AMD1: variants seen among roughly 807,000 people sequenced by gnomAD.
AMD1 encodes S-adenosylmethionine decarboxylase proenzyme.
Under a neutral mutation model 40.2 loss-of-function variants are expected in AMD1, and 11 were observed. The ratio of observed to expected loss-of-function variants is 0.27; its 90% CI spans 0.17 to 0.45. The LOEUF is 0.45. Ranked by LOEUF, AMD1 falls within the 20% of genes least tolerant of loss-of-function variation. AMD1 has a pLI of 1.00. For missense variants in AMD1, 257 were observed against 410.2 expected (o/e 0.63, Z 3.23); for synonymous variants, 121 against 130.8 (o/e 0.93, Z 0.51).
At position 110,887,491 on chromosome 6, in the gene AMD1, T is replaced by G; in HGVS notation, c.111-14T>G. The stretch of plus-strand genomic sequence containing the variant: ...CTATTGTGGATTAATCGTAACTTTT[T>G]TGTTAAATGATAGATCTGAGTGGGA... On this transcript the variant is annotated splice_polypyrimidine_tract_variant and intron_variant, in intron 1 of 8. Coordinates refer to ENST00000368885, the MANE Select transcript of AMD1 (RefSeq NM_001634.6). 6.3e-7 allele frequency: 1 copy of G among 1,588,044 alleles called. No homozygotes were observed. The highest frequency in any genetic ancestry group is 8.6e-7 in the Non-Finnish European group (1 of 1,168,428).
At position 110,892,484 on chromosome 6, in the gene AMD1, G is replaced by A. The variant is rs376918789; in HGVS notation, c.615+41G>A. 375 of 1,602,436 alleles carry A rather than the reference G, an allele frequency of 2.3e-4. 1 individual carries two copies. The highest frequency in any genetic ancestry group is 2.4e-4 in the Non-Finnish European group (277 of 1,174,644). On this transcript the variant is annotated intron_variant, in intron 6 of 8. Coordinates refer to ENST00000368885, the MANE Select transcript of AMD1 (RefSeq NM_001634.6). ...AATAATTGTTGCTGGACTCTTCTGC[G>A]TGGGGACTAAATTTTATTTTTCATT...
At chr6:110,835,780 G>A in the AMD1 span, among the ~76,000 whole-genome samples, 45 of 151,820 alleles carry the variant, frequency 3.0e-4, no homozygotes, top group South Asian at 4.2e-4. Flanking sequence ...CAGGAGAATC[G>A]CTTGAACCCA....
chr6:110,831,309 G>T, the AMD1 span, among the ~76,000 whole-genome samples: 1 of 151,706 alleles, frequency 6.6e-6, no homozygotes, highest in East Asian at 1.9e-4. Flanking sequence ...CGTGGTGGCA[G>T]GCACCTGTAA....
the AMD1 span, among the ~76,000 whole-genome samples, chr6:110,833,802 T>C: frequency 6.6e-6 from 1 of 151,798 alleles, no homozygotes; most frequent in African/African-American, 2.4e-5. Context: ...TTGTTTGAGC[T>C]CAGGAGTTCG....
chr6:110,860,069 C>T, the AMD1 span, among the ~76,000 whole-genome samples: 50 of 152,202 alleles, frequency 3.3e-4, no homozygotes, highest in Admixed American at 1.1e-3. Context: ...TCAGGTGATC[C>T]GCCCACCTTG....
chr6:110,881,526 G>A (rs912121918), intron 1 of AMD1, among the ~76,000 whole-genome samples: 14 of 151,918 alleles, frequency 9.2e-5, no homozygotes, highest in African/African-American at 2.4e-4. Flanking sequence ...TGTGTGCTTC[G>A]GGCCAGGCAT....
At chr6:110,882,944 C>G (rs945432241) in intron 1 of AMD1, among the ~76,000 whole-genome samples, 1 of 152,084 alleles carries the variant, frequency 6.6e-6, no homozygotes, top group Non-Finnish European at 1.5e-5. Flanking sequence ...CATAGGGAGA[C>G]CTCATCTCTA....
chr6:110,838,444 C>G, the AMD1 span, among the ~76,000 whole-genome samples: 2 of 152,066 alleles, frequency 1.3e-5, no homozygotes, highest in African/African-American at 4.8e-5. Flanking sequence ...TAGAGCTTAT[C>G]AAACTCTGGG....
chr6:110,870,368 T>C (rs145058073), upstream of AMD1, among the ~76,000 whole-genome samples: 1 of 152,170 alleles, frequency 6.6e-6, no homozygotes, highest in Non-Finnish European at 1.5e-5. Flanking sequence ...CTCACACTTG[T>C]AATGCCAGCA....
At chr6:110,836,029 A>T in the AMD1 span, among the ~76,000 whole-genome samples, 1 of 151,638 alleles carries the variant, frequency 6.6e-6, no homozygotes, top group Non-Finnish European at 1.5e-5. Context: ...AAAAAAAAAA[A>T]AAAAAAAATC....
At chr6:110,855,052 G>A in the AMD1 span, among the ~76,000 whole-genome samples, 1 of 135,548 alleles carries the variant, frequency 7.4e-6, no homozygotes, top group East Asian at 2.5e-4. Context: ...ATGGCTTAAA[G>A]TTCTCTCTCT....
chr6:110,831,902 G>A, the AMD1 span, among the ~76,000 whole-genome samples: 2 of 151,872 alleles, frequency 1.3e-5, no homozygotes, highest in Non-Finnish European at 2.9e-5. Context: ...GAAGTGCAAT[G>A]GCATTATCAC....
the AMD1 span, among the ~76,000 whole-genome samples, chr6:110,835,887 A>C: frequency 2.7e-5 from 4 of 150,738 alleles, no homozygotes; most frequent in Non-Finnish European, 5.9e-5. Context: ...CCCCAAAAAA[A>C]ATCAGTCCCA....
At chr6:110,851,922 T>C in the AMD1 span, among the ~76,000 whole-genome samples, 2 of 152,066 alleles carry the variant, frequency 1.3e-5, no homozygotes, top group African/African-American at 4.8e-5. Context: ...ATGCAAAAAA[T>C]AAGTAACAAG....
chr6:110,828,442 A>C, the AMD1 span, among the ~76,000 whole-genome samples: 1 of 152,046 alleles, frequency 6.6e-6, no homozygotes, highest in Non-Finnish European at 1.5e-5. Flanking sequence ...TCAAAAAAAA[A>C]AGAAAGAAAG....
the AMD1 span, chr6:110,863,810 A>G: frequency 6.0e-6 from 2 of 333,144 alleles, no homozygotes; most frequent in South Asian, 2.9e-5. Context: ...CATGAAACAA[A>G]TGGCATCACC....
chr6:110,832,684 A>C, the AMD1 span, among the ~76,000 whole-genome samples: 3 of 152,006 alleles, frequency 2.0e-5, no homozygotes, highest in African/African-American at 7.2e-5. Context: ...ACTTATCACC[A>C]CTCAGAATAG....
chr6:110,872,070 T>C (rs1215203357), upstream of AMD1, among the ~76,000 whole-genome samples: 1 of 152,172 alleles, frequency 6.6e-6, no homozygotes, highest in Non-Finnish European at 1.5e-5. Flanking sequence ...TAAATGGGGA[T>C]TGAGACCATT....
At chr6:110,857,759 A>G in the AMD1 span, among the ~76,000 whole-genome samples, 2 of 147,210 alleles carry the variant, frequency 1.4e-5, no homozygotes, top group South Asian at 2.1e-4. Context: ...GTATATATAT[A>G]TAGATGGTGT....
Sources: allele counts gnomAD v4.1 joint callset (sites outside exome capture counted in the v4.1 genomes callset), GRCh38; gene constraint gnomAD v4.1.1; transcripts MANE v1.5; gene names NCBI Gene and HGNC (gene_info 2026-07-23, HGNC 2026-07-21).